The following RPH3A variants were observed in gnomAD, a reference collection of about 807,000 sequenced individuals.
The protein encoded by RPH3A is rabphilin 3A.
Under a neutral mutation model 102.2 loss-of-function variants are expected in RPH3A, and 48 were observed. That is an observed-to-expected ratio of 0.47 (90% CI 0.37 to 0.60). The LOEUF is 0.60. Among genes scored for constraint, RPH3A ranks in the 20% least tolerant of loss-of-function variants. RPH3A has a pLI of 0.00. For missense variants in RPH3A, 781 were observed against 910.1 expected, an observed-to-expected ratio of 0.86 and a Z score of 1.83; for synonymous variants, 310 against 324.3, an observed-to-expected ratio of 0.96 and a Z score of 0.47.
At chr12:112,681,795 A>G (rs1347991551) in intron 1 of RPH3A, among the ~76,000 whole-genome samples, 1 of 152,250 alleles carries the variant, frequency 6.6e-6, no homozygotes, top group Non-Finnish European at 1.5e-5. Context: ...TTGGGCAAGC[A>G]GATAAAAGTG....
Position 112,890,042 on chromosome 12 carries a change from A to T in RPH3A, c.1582A>T (p.Thr528Ser). ...TTTTAAGATGAAACGTGCTGGGACC[A>T]CCGGGTCAGCCCGAGGCATGGCCCT... is the stretch of plus-strand genomic sequence containing the variant. ...RVIPMKRAGT[T>S]GSARGMALYE... is the part of the protein sequence containing the mutation. The change falls in exon 18 of 22, where the codon ACC becomes TCC. Residue 528 changes from threonine to serine, a missense_variant. By Grantham distance (58) the Thr-to-Ser change is moderately conservative. Around this residue, in one of 2 missense-constraint regions of RPH3A, gnomAD observed 730 missense variants for 810.0 expected, o/e 0.90. Transcript: ENST00000389385. 6.2e-7 allele frequency: 1 copy of T among 1,613,752 alleles called. No individual in the cohort carries two copies. Among genetic ancestry groups the T allele is most frequent in the South Asian group, 1.1e-5 (1 of 91,084 alleles).
chr12:112,806,265 T>C (rs1249976789), intron 2 of RPH3A, among the ~76,000 whole-genome samples: 4 of 152,264 alleles, frequency 2.6e-5, no homozygotes, highest in Admixed American at 2.0e-4. Flanking sequence ...TAAACTATTT[T>C]GTTTTTAAAA....
At chr12:112,706,947 TG>T (rs2040430997) in intron 1 of RPH3A, among the ~76,000 whole-genome samples, 1 of 152,074 alleles carries the variant, frequency 6.6e-6, no homozygotes, top group Admixed American at 6.5e-5. Context: ...CTGCAACACC[TG>T]GTTTCTCCGG....
At chr12:112,813,244 A>G (rs1192860360) in intron 2 of RPH3A, 1 of 152,146 alleles carries the variant, frequency 6.6e-6, no homozygotes, top group Non-Finnish European at 1.5e-5. Flanking sequence ...TGCCTGGGTG[A>G]TTGGGGAGAC....
At position 112,727,502 on chromosome 12, in the gene RPH3A, C is replaced by CA. The variant is rs200095527; in HGVS notation, c.-139-64641_-139-64640insA. On this transcript the variant is annotated intron_variant, in intron 1 of 21. Transcript: ENST00000543106. ...ACACACACACACACAGACCCCCCCCCCCCACACACATATATATATATAGGC... is the reference window on the plus strand; with the variant it reads ...ACACACACACACACAGACCCCCCCCCACCCACACACATATATATATATAGGC... 1.9e-3 allele frequency among the ~76,000 whole-genome samples: 179 copies of CA among 96,716 alleles called. 11 individuals carry two copies. The South Asian group carries it at 0.02, about 11-fold the overall frequency. 63.4% of individuals were successfully genotyped at this position (96,716 alleles called of 152,430 possible).
chr12:112,685,814 T>G (rs2040259381), intron 1 of RPH3A, among the ~76,000 whole-genome samples: 1 of 152,218 alleles, frequency 6.6e-6, no homozygotes, highest in African/African-American at 2.4e-5. Flanking sequence ...TTCAAATGTC[T>G]GATGATTTCT....
At chr12:112,755,234 T>A (rs1414543186) in intron 1 of RPH3A, among the ~76,000 whole-genome samples, 1 of 152,048 alleles carries the variant, frequency 6.6e-6, no homozygotes, top group African/African-American at 2.4e-5. Context: ...AGGGGGTCAT[T>A]GTTATAGTTT....
At position 112,669,640 on chromosome 12, in the gene RPH3A, A is replaced by T. The variant is rs2040113146; in HGVS notation, c.-140+94321A>T. Among the ~76,000 whole-genome samples, 3 of 152,258 alleles carry T rather than the reference A, an allele frequency of 2.0e-5. No individual in the cohort carries two copies. The South Asian group carries it at 6.2e-4, about 31-fold the overall frequency. ...TTTCTTGGCCTACTTTCAGATTTTTAAAATGTTTTTATAAACATATTTTCT... is the reference window on the plus strand; with the variant it reads ...TTTCTTGGCCTACTTTCAGATTTTTTAAATGTTTTTATAAACATATTTTCT... On this transcript the variant is annotated intron_variant, in intron 1 of 21. Transcript: ENST00000543106.
intron 1 of RPH3A, among the ~76,000 whole-genome samples, chr12:112,594,893 A>G (rs1484018246): frequency 6.6e-6 from 1 of 152,256 alleles, no homozygotes; most frequent in African/African-American, 2.4e-5. Flanking sequence ...TGTTCGATGC[A>G]TGCAAGTCCC....
In RPH3A at chr12:112,869,607, T is replaced by C. The variant is rs2136226469; in HGVS notation, c.611-152T>C. 4 of 711,390 alleles carry C rather than the reference T, an allele frequency of 5.6e-6. No homozygotes were observed. In the East Asian group the frequency reaches 1.1e-4, roughly 19 times the overall value. 44.1% of individuals were successfully genotyped at this position (711,390 alleles called of 1,614,324 possible). ...AAAATGTGAAATTGTAAACAGGAGC[T>C]AGATCAAAGAGGAGGTTGGGAGAAA... On this transcript the variant is annotated intron_variant, in intron 8 of 21. Coordinates refer to ENST00000389385, the MANE Select transcript of RPH3A (RefSeq NM_001143854.2).
intron 1 of RPH3A, among the ~76,000 whole-genome samples, chr12:112,582,187 C>T (rs1000505524): frequency 2.0e-5 from 3 of 147,238 alleles, no homozygotes; most frequent in African/African-American, 5.1e-5. Flanking sequence ...AGTTTTGTAT[C>T]CTTTTTTTAT....
intron 1 of RPH3A, among the ~76,000 whole-genome samples, chr12:112,610,281 T>G (rs2039628979): frequency 6.6e-6 from 1 of 152,152 alleles, no homozygotes; most frequent in Non-Finnish European, 1.5e-5. Flanking sequence ...GCGAGGCAGA[T>G]CACCTGAGGT....
At chr12:112,644,656 C>T (rs1428815345) in intron 1 of RPH3A, among the ~76,000 whole-genome samples, 1 of 152,182 alleles carries the variant, frequency 6.6e-6, no homozygotes, top group Non-Finnish European at 1.5e-5. Flanking sequence ...CATATGTTAG[C>T]TCATTCTTTT....
chr12:112,790,549 T>A (rs1270448176), upstream of RPH3A, among the ~76,000 whole-genome samples: 1 of 152,230 alleles, frequency 6.6e-6, no homozygotes, highest in African/African-American at 2.4e-5. Context: ...TAAGCAGATC[T>A]TGGTCTGTTT....
intron 1 of RPH3A, among the ~76,000 whole-genome samples, chr12:112,656,841 C>T (rs2040016375): frequency 6.6e-6 from 1 of 151,340 alleles, no homozygotes; most frequent in Non-Finnish European, 1.5e-5. Context: ...TTTCTTTATC[C>T]AATTATCCAT....
chr12:112,896,826 C>T lies in RPH3A; in HGVS notation c.*46C>T, dbSNP rs377081104. The T allele has an allele frequency of 6.2e-6, 10 of 1,608,116 alleles. No homozygotes were observed. Among genetic ancestry groups the T allele is most frequent in the Non-Finnish European group, 8.5e-6 (10 of 1,176,742 alleles). On this transcript the variant is annotated 3_prime_UTR_variant, in exon 22 of 22. Coordinates refer to ENST00000389385, the MANE Select transcript of RPH3A (RefSeq NM_001143854.2). ...CTCCATGTCCCGGGTCCCCCCCAGCCTGCTCTAGCTGCCCACCGCACCCTG... is the reference window on the plus strand; with the variant it reads ...CTCCATGTCCCGGGTCCCCCCCAGCTTGCTCTAGCTGCCCACCGCACCCTG...
intron 1 of RPH3A, among the ~76,000 whole-genome samples, chr12:112,655,102 G>A (rs1024162691): frequency 2.0e-5 from 3 of 152,184 alleles, no homozygotes; most frequent in Non-Finnish European, 4.4e-5. Flanking sequence ...AGACCACAAA[G>A]GGTTTCATTT....
intron 4 of RPH3A, among the ~76,000 whole-genome samples, chr12:112,839,474 G>T (rs908923972): frequency 6.6e-6 from 1 of 152,160 alleles, no homozygotes; most frequent in Non-Finnish European, 1.5e-5. Flanking sequence ...AGGGTTGGCT[G>T]ATCTAAGATG....
chr12:112,713,051 C>CTT (rs1555204011), intron 1 of RPH3A, among the ~76,000 whole-genome samples: 1,249 of 85,792 alleles, frequency 0.015, 112 homozygotes, highest in East Asian at 0.065. Flanking sequence ...TTCTTCTTCT[C>CTT]CTTCTTCTTC....
Sources: gnomAD v4.1 joint callset for allele counts (sites outside exome capture counted in the v4.1 genomes callset) on GRCh38, gnomAD v4.1.1 for gene constraint, gnomAD v4.1.1 regional missense constraint, MANE v1.5 for transcripts, NCBI Gene and HGNC (gene_info 2026-07-23, HGNC 2026-07-21) for gene names.